Variants in EIF4EBP1 observed in about 807,000 individuals in gnomAD.
EIF4EBP1 encodes eukaryotic translation initiation factor 4E-binding protein 1.
A neutral mutation model predicts 9.2 loss-of-function variants in EIF4EBP1; 5 were observed. The observed-to-expected ratio is 0.54, with a 90% CI of 0.28 to 1.14. The LOEUF (loss-of-function observed/expected upper bound fraction) is 1.14. Among genes scored for constraint, EIF4EBP1 ranks in the 50% most tolerant of loss-of-function variants. The probability of loss-of-function intolerance (pLI) is 0.09; values close to 1 mark genes in which losing one functional copy is unlikely to be tolerated. For missense variants in EIF4EBP1, 139 were observed against 169.6 expected, an observed-to-expected ratio of 0.82 and a Z score of 1.00; for synonymous variants, 62 against 67.0, an observed-to-expected ratio of 0.93 and a Z score of 0.36.
chr8:38,057,971 G>A (rs1809620609), intron 2 of EIF4EBP1, among the ~76,000 whole-genome samples: 1 of 152,152 alleles, frequency 6.6e-6, no homozygotes, highest in Admixed American at 6.6e-5. Flanking sequence ...ACTATAATCA[G>A]ATTGGAACCC....
chr8:38,040,657 C>G (rs1457944968), intron 1 of EIF4EBP1, among the ~76,000 whole-genome samples: 1 of 152,192 alleles, frequency 6.6e-6, no homozygotes. Flanking sequence ...TTGCTGGGGA[C>G]AGCTGGAAGC....
chr8:38,042,639 A>G (rs1165287037), intron 1 of EIF4EBP1, among the ~76,000 whole-genome samples: 1 of 152,128 alleles, frequency 6.6e-6, no homozygotes, highest in Non-Finnish European at 1.5e-5. Context: ...ATCTCTTCTC[A>G]TAAGGACCCC....
chr8:38,038,914 C>CTT (rs1225729715), intron 1 of EIF4EBP1, among the ~76,000 whole-genome samples: 8 of 138,316 alleles, frequency 5.8e-5, no homozygotes, highest in African/African-American at 1.1e-4. Context: ...AAATTTCTTT[C>CTT]TTTTTTTTTT....
chr8:38,031,518 A>T (rs1228122209), intron 1 of EIF4EBP1, among the ~76,000 whole-genome samples: 6 of 152,330 alleles, frequency 3.9e-5, no homozygotes, highest in South Asian at 2.1e-4. Flanking sequence ...GCCTGTTTGC[A>T]TGATGAAATA....
At chr8:38,035,973 C>T (rs1373438438) in intron 1 of EIF4EBP1, among the ~76,000 whole-genome samples, 1 of 151,540 alleles carries the variant, frequency 6.6e-6, no homozygotes, top group Non-Finnish European at 1.5e-5. Context: ...TCCCAAAGTG[C>T]TGACATTACA....
intron 1 of EIF4EBP1, among the ~76,000 whole-genome samples, chr8:38,046,437 G>A (rs1025916440): frequency 6.6e-6 from 1 of 152,126 alleles, no homozygotes. Flanking sequence ...GTTTCCGTGG[G>A]CCTAAAAAGG....
chr8:38,051,074 C>T (rs151281439), intron 1 of EIF4EBP1, among the ~76,000 whole-genome samples: 116 of 152,244 alleles, frequency 7.6e-4, no homozygotes, highest in African/African-American at 2.7e-3. Flanking sequence ...GAGTAAACCT[C>T]AGGGCAGCTG....
intron 1 of EIF4EBP1, among the ~76,000 whole-genome samples, chr8:38,037,668 C>T (rs561628584): frequency 6.6e-5 from 10 of 152,048 alleles, no homozygotes; most frequent in Non-Finnish European, 1.3e-4. Flanking sequence ...TTAATGATGA[C>T]GTTTAAATTT....
At chr8:38,038,507 C>A (rs77373349) in intron 1 of EIF4EBP1, among the ~76,000 whole-genome samples, 122 of 127,062 alleles carry the variant, frequency 9.6e-4, no homozygotes, top group South Asian at 1.1e-3. Context: ...GACTCCATCT[C>A]AAAAAAAAAA....
intron 2 of EIF4EBP1, among the ~76,000 whole-genome samples, 192 bp downstream of exon 2, chr8:38,057,452 C>T (rs560459927): frequency 6.6e-6 from 1 of 152,246 alleles, no homozygotes; most frequent in East Asian, 1.9e-4. Context: ...TAGCAACTTT[C>T]CCCCTGAAAG....
At chr8:38,059,621 G>A (rs1399968894) in intron 2 of EIF4EBP1, among the ~76,000 whole-genome samples, 1 of 151,822 alleles carries the variant, frequency 6.6e-6, no homozygotes, top group Non-Finnish European at 1.5e-5. Flanking sequence ...GTGTGGTGGT[G>A]GGTGCCTATA....
intron 1 of EIF4EBP1, among the ~76,000 whole-genome samples, chr8:38,031,743 G>A (rs1443346781): frequency 6.6e-6 from 1 of 152,198 alleles, no homozygotes; most frequent in East Asian, 1.9e-4. Flanking sequence ...GTCCTCTGCT[G>A]TTTGATCCAA....
chr8:38,057,767 C>T (rs1192975075), intron 2 of EIF4EBP1, among the ~76,000 whole-genome samples: 1 of 152,196 alleles, frequency 6.6e-6, no homozygotes, highest in East Asian at 1.9e-4. Flanking sequence ...CAGGTAGAAA[C>T]AATGCAGCCA....
chr8:38,042,116 A>G (rs1225955223), intron 1 of EIF4EBP1, among the ~76,000 whole-genome samples: 1 of 152,018 alleles, frequency 6.6e-6, no homozygotes, highest in Non-Finnish European at 1.5e-5. Flanking sequence ...TCCCCCTCCA[A>G]GTGTCCTGCA....
chr8:38,040,497 C>G (rs1306151438), intron 1 of EIF4EBP1, among the ~76,000 whole-genome samples: 1 of 152,212 alleles, frequency 6.6e-6, no homozygotes, highest in East Asian at 1.9e-4. Context: ...AGTAACTAAA[C>G]AGCAGCGATT....
chr8:38,051,363 G>A (rs1033335942), intron 1 of EIF4EBP1, among the ~76,000 whole-genome samples: 1 of 152,138 alleles, frequency 6.6e-6, no homozygotes, highest in African/African-American at 2.4e-5. Context: ...CATCCAGGTT[G>A]GAGAACGTGC....
chr8:38,050,924 T>C (rs1301362408), intron 1 of EIF4EBP1, among the ~76,000 whole-genome samples: 5 of 152,158 alleles, frequency 3.3e-5, no homozygotes, highest in Admixed American at 6.6e-5. Flanking sequence ...CTGTAGGTCT[T>C]TATCTTCACT....
At chr8:38,045,903 T>A (rs2130389537) in intron 1 of EIF4EBP1, among the ~76,000 whole-genome samples, 1 of 151,150 alleles carries the variant, frequency 6.6e-6, no homozygotes, top group South Asian at 2.1e-4. Context: ...AACACCTGAC[T>A]AATTTTTTTT....
chr8:38,051,150 T>C (rs1809515397), intron 1 of EIF4EBP1, among the ~76,000 whole-genome samples: 1 of 152,190 alleles, frequency 6.6e-6, no homozygotes, highest in Non-Finnish European at 1.5e-5. Flanking sequence ...CTCCCTGTTA[T>C]CAGCCCCCAT....
Sources: allele counts gnomAD v4.1 joint callset (sites outside exome capture counted in the v4.1 genomes callset), GRCh38; gene constraint gnomAD v4.1.1; transcripts MANE v1.5; gene names NCBI Gene and HGNC (gene_info 2026-07-23, HGNC 2026-07-21).